Variants in TBC1D14 observed in about 807,000 individuals in gnomAD.
TBC1D14 encodes the protein TBC1 domain family member 14, also known as TBC1 domain family, member 14.
In TBC1D14, 26 loss-of-function variants were observed where a neutral mutation model predicts 79.0. That is an observed-to-expected ratio of 0.33 (90% CI 0.24 to 0.46). The LOEUF is 0.46. TBC1D14 is among the 20% of genes least tolerant of loss of function. TBC1D14 has a pLI of 1.00. For missense variants in TBC1D14, 769 were observed against 887.6 expected, an observed-to-expected ratio of 0.87 and a Z score of 1.70; for synonymous variants, 394 against 349.9, an observed-to-expected ratio of 1.13 and a Z score of -1.40.
intron 1 of TBC1D14, chr4:6,910,497 C>G (rs921015478): frequency 6.6e-6 from 1 of 152,402 alleles, no homozygotes; most frequent in Non-Finnish European, 1.5e-5. Flanking sequence ...CCGTCTGTCC[C>G]TGGGCTAGGG....
intron 1 of TBC1D14, among the ~76,000 whole-genome samples, chr4:6,915,457 T>C (rs1427608224): frequency 6.6e-6 from 1 of 152,168 alleles, no homozygotes; most frequent in African/African-American, 2.4e-5. Context: ...CAGAGGTGCT[T>C]ATGTCTGTGA....
At chr4:7,012,016 G>C (rs1577169101) in intron 11 of TBC1D14, among the ~76,000 whole-genome samples, 1 of 151,910 alleles carries the variant, frequency 6.6e-6, no homozygotes, top group African/African-American at 2.4e-5. Flanking sequence ...AAAGCTGTTG[G>C]TTGGCCGGGC....
chr4:6,996,713 C>T (rs986055617), intron 5 of TBC1D14, among the ~76,000 whole-genome samples: 5 of 152,180 alleles, frequency 3.3e-5, no homozygotes, highest in Admixed American at 3.3e-4. Flanking sequence ...CAGAAGCCCC[C>T]AGGGCTGTCC....
chr4:6,958,912 C>G (rs1242173097), intron 2 of TBC1D14, among the ~76,000 whole-genome samples: 1 of 149,058 alleles, frequency 6.7e-6, no homozygotes, highest in Non-Finnish European at 1.5e-5. Flanking sequence ...GAGACGGAGT[C>G]TCGCTCTGTC....
chr4:6,944,612 A>C (rs769204119), intron 2 of TBC1D14, among the ~76,000 whole-genome samples: 10 of 152,336 alleles, frequency 6.6e-5, no homozygotes, highest in Non-Finnish European at 1.5e-4. Context: ...AGCATGCTCC[A>C]AGCAGTGGCT....
intron 6 of TBC1D14, among the ~76,000 whole-genome samples, chr4:7,000,314 C>T (rs894842053): frequency 3.3e-5 from 5 of 152,186 alleles, no homozygotes; most frequent in African/African-American, 4.8e-5. Flanking sequence ...TGCACACGGA[C>T]GCTGCCTGGC....
At chr4:6,954,104 GGCCCGCCCT>G (rs1714380746) in intron 2 of TBC1D14, 7 of 590,276 alleles carry the variant, frequency 1.2e-5, no homozygotes, top group African/African-American at 3.7e-5. Context: ...TGACTGGGGA[GGCCCGCCCT>G]GCCGCCCCCG....
intron 3 of TBC1D14, among the ~76,000 whole-genome samples, chr4:6,986,977 T>C (rs968094874): frequency 6.6e-6 from 1 of 152,226 alleles, no homozygotes; most frequent in Non-Finnish European, 1.5e-5. Flanking sequence ...AACACGTTTC[T>C]CAGCTCTCGG....
rs118116451 is a variant in TBC1D14, at chr4:7,001,544, C to A, written c.1270+293C>A. ...TTCGCAGATCAAAGTCCTAGGAAGG[C>A]AAGCCTTGCCTGCGACGTGAGTGTG... is the stretch of plus-strand genomic sequence containing the variant. On this transcript the variant is annotated intron_variant, in intron 7 of 13. Coordinates refer to ENST00000409757, the MANE Select transcript of TBC1D14 (RefSeq NM_020773.3). 182 of 334,384 alleles carry A rather than the reference C, an allele frequency of 5.4e-4. 2 individuals are homozygous for A. The East Asian group carries it at 0.011, about 20-fold the overall frequency. The allele number at this position is 334,384 out of a possible 1,614,324, so 20.7% of individuals were successfully genotyped here.
chr4:6,913,148 A>G (rs1723137352), intron 1 of TBC1D14, among the ~76,000 whole-genome samples: 1 of 152,122 alleles, frequency 6.6e-6, no homozygotes, highest in South Asian at 2.1e-4. Context: ...GGCATGTGCC[A>G]CCATGCCTGG....
intron 1 of TBC1D14, among the ~76,000 whole-genome samples, chr4:6,914,009 G>A (rs1219282120): frequency 4.0e-5 from 6 of 151,876 alleles, no homozygotes; most frequent in East Asian, 1.9e-4. Flanking sequence ...ACGTGGTGGC[G>A]GGCACCTGTG....
At chr4:6,923,321 G>T in intron 1 of TBC1D14, 52 bp from the exon 2 acceptor site, 2 of 1,530,658 alleles carry the variant, frequency 1.3e-6, no homozygotes, top group Non-Finnish European at 1.8e-6. Context: ...CAGAGGTGTG[G>T]CATCTTTGAA....
chr4:7,016,405 T>C (rs1441452471), intron 12 of TBC1D14, among the ~76,000 whole-genome samples: 2 of 152,224 alleles, frequency 1.3e-5, no homozygotes, highest in African/African-American at 2.4e-5. Context: ...TGCCCCACCG[T>C]GTGCATTTGA....
intron 2 of TBC1D14, among the ~76,000 whole-genome samples, chr4:6,932,441 G>C (rs1711851380): frequency 6.6e-6 from 1 of 151,976 alleles, no homozygotes; most frequent in Non-Finnish European, 1.5e-5. Context: ...CTTGGAAGGA[G>C]AGTGATCCAG....
At chr4:6,964,276 A>C (rs1272055666) in intron 2 of TBC1D14, among the ~76,000 whole-genome samples, 1 of 151,884 alleles carries the variant, frequency 6.6e-6, no homozygotes, top group Non-Finnish European at 1.5e-5. Flanking sequence ...TCTGGGAGCC[A>C]CTCACCCAGA....
At chr4:6,981,780 A>G (rs2109099754) in intron 3 of TBC1D14, among the ~76,000 whole-genome samples, 1 of 152,364 alleles carries the variant, frequency 6.6e-6, no homozygotes, top group East Asian at 1.9e-4. Flanking sequence ...ACACGATCCT[A>G]TCAGTTGGTG....
intron 8 of TBC1D14, among the ~76,000 whole-genome samples, chr4:7,005,892 T>C (rs1222627883): frequency 2.0e-5 from 3 of 152,236 alleles, no homozygotes; most frequent in Admixed American, 2.0e-4. Flanking sequence ...ACTGCATGTT[T>C]GCTAGATTAT....
At chr4:6,950,179 G>A (rs377381023) in intron 2 of TBC1D14, among the ~76,000 whole-genome samples, 1 of 152,178 alleles carries the variant, frequency 6.6e-6, no homozygotes, top group South Asian at 2.1e-4. Flanking sequence ...TTCTGTTCCC[G>A]TGTTAGTTTG....
chr4:6,980,475 A>T (rs768800795), intron 3 of TBC1D14, among the ~76,000 whole-genome samples: 1 of 152,232 alleles, frequency 6.6e-6, no homozygotes, highest in Non-Finnish European at 1.5e-5. Flanking sequence ...TGAAGAAAGT[A>T]TAAACAGAGC....
Sources: allele counts gnomAD v4.1 joint callset (sites outside exome capture counted in the v4.1 genomes callset), GRCh38; gene constraint gnomAD v4.1.1; transcripts MANE v1.5; gene names NCBI Gene and HGNC (gene_info 2026-07-23, HGNC 2026-07-21).